Variants in C4orf36 observed in about 807,000 individuals in gnomAD.
C4orf36 encodes chromosome 4 open reading frame 36.
C4orf36 carries 11 observed loss-of-function variants against 12.2 expected under a neutral mutation model. The ratio of observed to expected loss-of-function variants is 0.90; its 90% confidence interval spans 0.57 to 1.49. The LOEUF (loss-of-function observed/expected upper bound fraction) is 1.49, where lower values mean the gene tolerates loss of function less well. C4orf36 is among the 40% of genes most tolerant of loss of function. The pLI is 0.00. For missense variants in C4orf36, 137 were observed against 133.9 expected (o/e 1.02, Z -0.11); for synonymous variants, 54 against 51.3 (o/e 1.05, Z -0.22).
the C4orf36 span, chr4:86,925,074 G>A: frequency 5.3e-5 from 8 of 152,148 alleles, no homozygotes; most frequent in African/African-American, 1.9e-4. Flanking sequence ...ACTGTCATGA[G>A]GACAAACCAG....
At chr4:86,919,180 G>C in the C4orf36 span, among the ~76,000 whole-genome samples, 1 of 151,028 alleles carries the variant, frequency 6.6e-6, no homozygotes, top group Non-Finnish European at 1.5e-5. Context: ...TATTCTATAC[G>C]TACTAAACTC....
At chr4:86,918,268 T>A in the C4orf36 span, among the ~76,000 whole-genome samples, 2 of 152,208 alleles carry the variant, frequency 1.3e-5, no homozygotes, top group Non-Finnish European at 2.9e-5. Flanking sequence ...ACCACAGCAG[T>A]GCCAGATGTG....
chr4:86,909,875 G>A, the C4orf36 span, among the ~76,000 whole-genome samples: 2 of 134,202 alleles, frequency 1.5e-5, no homozygotes, highest in Admixed American at 8.6e-5. Flanking sequence ...CCAGGTGCCT[G>A]GGCAACAGAG....
At position 86,884,298 on chromosome 4, in the gene C4orf36, A is replaced by ACTTTTTTTTT. The variant is rs1560471171; in HGVS notation, c.*2+3459_*2+3460insAAAAAAAAAG. 4.0e-5 allele frequency among the ~76,000 whole-genome samples: 5 copies of ACTTTTTTTTT among 125,250 alleles called. 2 individuals carry two copies. Among genetic ancestry groups the ACTTTTTTTTT allele is most frequent in the Non-Finnish European group, 5.0e-5 (3 of 59,620 alleles). The allele number at this position is 125,250 out of a possible 152,430, so 82.2% of individuals were successfully genotyped here. A position where few individuals can be genotyped will look rare whatever the true frequency, so the allele number is the denominator to read the frequency against. ...AAATTAGGCAGAAGGAAAAAGACTG[A>ACTTTTTTTTT]ATTTTTTTTTTTTTTTTTTTTTTTG... On this transcript the variant is annotated intron_variant, in intron 4 of 4. Transcript: ENST00000295898.
chr4:86,892,514 G>T, upstream of C4orf36: 1 of 958,624 alleles, frequency 1.0e-6, no homozygotes, highest in Non-Finnish European at 1.2e-6. Flanking sequence ...CGGGAGACGC[G>T]CCCCGCGGGG....
the C4orf36 span, among the ~76,000 whole-genome samples, chr4:86,917,464 A>AAAAG: frequency 1.1e-5 from 1 of 88,106 alleles, no homozygotes; most frequent in Non-Finnish European, 3.1e-5. Flanking sequence ...AGAAAGAAAG[A>AAAAG]AAAGAAAGAA....
chr4:86,927,574 C>T, the C4orf36 span, among the ~76,000 whole-genome samples: 5 of 152,108 alleles, frequency 3.3e-5, no homozygotes, highest in Non-Finnish European at 7.4e-5. Flanking sequence ...GCGGGTGGAT[C>T]ATGAGGTCAG....
At chr4:86,917,428 A>G in the C4orf36 span, among the ~76,000 whole-genome samples, 1 of 150,160 alleles carries the variant, frequency 6.7e-6, no homozygotes, top group African/African-American at 2.5e-5. Flanking sequence ...AGAGAGAAAG[A>G]AAAAGAAAGG....
At chr4:86,890,079 C>A (rs1156606704) in intron 2 of C4orf36, 2 of 454,536 alleles carry the variant, frequency 4.4e-6, no homozygotes, top group Admixed American at 4.7e-5. Flanking sequence ...GTGGTCCCAG[C>A]TACTCAGGAG....
chr4:86,913,265 G>T, the C4orf36 span: 1 of 602,890 alleles, frequency 1.7e-6, no homozygotes, highest in Non-Finnish European at 3.1e-6. Context: ...CACATCCAGA[G>T]GCCCTGGATG....
At chr4:86,931,654 C>T in the C4orf36 span, among the ~76,000 whole-genome samples, 1 of 152,196 alleles carries the variant, frequency 6.6e-6, no homozygotes, top group African/African-American at 2.4e-5. Context: ...CTGCCTCATC[C>T]TCCCAACGTG....
the C4orf36 span, chr4:86,914,683 G>C: frequency 2.8e-5 from 10 of 360,258 alleles, no homozygotes; most frequent in Admixed American, 4.3e-4. Flanking sequence ...TTATAGGCGT[G>C]AGCCACAGCG....
the C4orf36 span, among the ~76,000 whole-genome samples, chr4:86,917,611 G>A: frequency 6.7e-6 from 1 of 150,258 alleles, no homozygotes; most frequent in Non-Finnish European, 1.5e-5. Context: ...AGGGAGGAAG[G>A]GAGGGAGGGA....
At chr4:86,914,444 A>G in the C4orf36 span, 2 of 612,096 alleles carry the variant, frequency 3.3e-6, no homozygotes, top group Non-Finnish European at 5.2e-6. Context: ...TCTATCGCCC[A>G]GGCTGGAGTG....
chr4:86,903,302 G>T, the C4orf36 span, among the ~76,000 whole-genome samples: 1 of 152,212 alleles, frequency 6.6e-6, no homozygotes, highest in Non-Finnish European at 1.5e-5. Context: ...ACGAGGTCAA[G>T]AGATCGAGAC....
chr4:86,928,891 A>T, the C4orf36 span, among the ~76,000 whole-genome samples: 4 of 151,602 alleles, frequency 2.6e-5, no homozygotes, highest in East Asian at 3.9e-4. Context: ...TCTTTCAAAA[A>T]TTTTTTTTCT....
chr4:86,876,456 G>A lies in C4orf36; in HGVS notation c.*3-13C>T. On this transcript the variant is annotated splice_polypyrimidine_tract_variant and intron_variant, in intron 4 of 4. Transcript: ENST00000295898. ...TCCGCGCTTCAGGCTGCGCAAAGGA[G>A]AGGGGGAAAATAAGATTTTATTTTA... The A allele has an allele frequency of 6.2e-7, 1 of 1,613,524 alleles. No homozygotes were observed. The highest frequency in any genetic ancestry group is 8.5e-7 in the Non-Finnish European group (1 of 1,179,560).
chr4:86,917,608 A>G, the C4orf36 span, among the ~76,000 whole-genome samples: 116 of 144,776 alleles, frequency 8.0e-4, no homozygotes, highest in African/African-American at 2.8e-3. Flanking sequence ...AGGAGGGAGG[A>G]AGGGAGGGAG....
chr4:86,888,227 G>T lies in C4orf36; in HGVS notation c.114C>A (p.Asn38Lys). Residue 38 changes from asparagine to lysine, a missense_variant, in exon 3 of 5, where the codon AAC (asparagine) becomes AAA (lysine). By Grantham distance (94) the Asn-to-Lys change is moderately conservative (BLOSUM62 0). Transcript: ENST00000295898. The part of the protein sequence containing the change: ...IALLAKTWST[N>K]LANIKLPFLE... ...AGAAAGGCAACTTGATATTGGCTAG[G>T]TTTGTGGACCAGGTCTTTGCAAGCA... is the stretch of plus-strand genomic sequence containing the variant. The T allele has an allele frequency of 6.2e-7, 1 of 1,614,140 alleles. No homozygotes were observed. Among genetic ancestry groups the T allele is most frequent in the Non-Finnish European group, 8.5e-7 (1 of 1,180,006 alleles).
Sources: gnomAD v4.1 joint callset for allele counts (sites outside exome capture counted in the v4.1 genomes callset) on GRCh38, gnomAD v4.1.1 for gene constraint, MANE v1.5 for transcripts, NCBI Gene and HGNC (gene_info 2026-07-23, HGNC 2026-07-21) for gene names.